Variants in SLC24A3 observed in about 807,000 individuals in gnomAD.
SLC24A3 encodes solute carrier family 24 member 3, also known as sodium/potassium/calcium exchanger 3.
SLC24A3 carries 28 observed loss-of-function variants against 75.8 expected under a neutral mutation model. The ratio of observed to expected loss-of-function variants is 0.37; its 90% CI spans 0.27 to 0.51. The LOEUF (loss-of-function observed/expected upper bound fraction) is 0.51, where lower values mean the gene tolerates loss of function less well. Among genes scored for constraint, SLC24A3 ranks in the 20% least tolerant of loss-of-function variants. SLC24A3 has a pLI of 0.94. For synonymous variants in SLC24A3, 372 were observed against 334.1 expected (o/e 1.11, Z -1.24); for missense variants, 663 against 847.8 (o/e 0.78, Z 2.71).
At chr20:19,229,193 A>C (rs1176242651) in intron 1 of SLC24A3, among the ~76,000 whole-genome samples, 4 of 152,144 alleles carry the variant, frequency 2.6e-5, no homozygotes, top group Non-Finnish European at 5.9e-5. Context: ...TCTGTAATTG[A>C]GATCATATAA....
intron 7 of SLC24A3, among the ~76,000 whole-genome samples, chr20:19,657,777 C>T (rs532781655): frequency 6.5e-5 from 9 of 139,366 alleles, no homozygotes; most frequent in African/African-American, 2.0e-4. Context: ...GGCTACAGGT[C>T]GCACGCACTG....
intron 2 of SLC24A3, among the ~76,000 whole-genome samples, chr20:19,447,306 G>T (rs1420064460): frequency 6.6e-6 from 1 of 152,216 alleles, no homozygotes; most frequent in Non-Finnish European, 1.5e-5. Context: ...AGCAGGCTCA[G>T]TGGTGAGGGA....
chr20:19,634,659 A>G (rs2031977580), intron 6 of SLC24A3, among the ~76,000 whole-genome samples: 1 of 152,236 alleles, frequency 6.6e-6, no homozygotes, highest in African/African-American at 2.4e-5. Flanking sequence ...AGTATACAGT[A>G]TGATTCCACT....
intron 2 of SLC24A3, among the ~76,000 whole-genome samples, chr20:19,451,975 G>T (rs1014005388): frequency 3.3e-5 from 5 of 152,146 alleles, no homozygotes; most frequent in Admixed American, 6.5e-5. Context: ...TCCTTGACTT[G>T]CTTCAGTCTG....
chr20:19,346,709 G>A (rs983620395), intron 2 of SLC24A3, among the ~76,000 whole-genome samples: 2 of 151,994 alleles, frequency 1.3e-5, no homozygotes, highest in African/African-American at 4.8e-5. Flanking sequence ...GGGAGTTGTC[G>A]AGGGATAAAA....
chr20:19,709,482 C>T (rs998616162), intron 15 of SLC24A3, among the ~76,000 whole-genome samples: 2 of 151,988 alleles, frequency 1.3e-5, no homozygotes, highest in East Asian at 1.9e-4. Flanking sequence ...ATTAGCCGAG[C>T]GTGGTGGCAC....
chr20:19,482,955 A>C (rs1250942153), intron 2 of SLC24A3, among the ~76,000 whole-genome samples: 1 of 152,206 alleles, frequency 6.6e-6, no homozygotes, highest in African/African-American at 2.4e-5. Flanking sequence ...TGAATCACAA[A>C]AATGGCCCAT....
intron 9 of SLC24A3, among the ~76,000 whole-genome samples, chr20:19,677,439 C>G (rs2032537789): frequency 6.6e-6 from 1 of 152,094 alleles, no homozygotes; most frequent in South Asian, 2.1e-4. Flanking sequence ...AGTGTGGAGG[C>G]CTTTTCACTA....
chr20:19,538,880 A>G (rs565993539), intron 3 of SLC24A3, among the ~76,000 whole-genome samples: 1 of 152,272 alleles, frequency 6.6e-6, no homozygotes, highest in African/African-American at 2.4e-5. Context: ...AACAGAAAGG[A>G]TAAACTGTGC....
chr20:19,489,062 T>C (rs1988169123), intron 2 of SLC24A3, among the ~76,000 whole-genome samples: 1 of 152,228 alleles, frequency 6.6e-6, no homozygotes, highest in South Asian at 2.1e-4. Flanking sequence ...TTTTTTCCTT[T>C]AATGCACTCA....
intron 1 of SLC24A3, among the ~76,000 whole-genome samples, chr20:19,278,950 CA>C (rs1983573542): frequency 1.3e-5 from 2 of 152,308 alleles, no homozygotes; most frequent in Middle Eastern, 6.8e-3. Context: ...TTGTGATTTC[CA>C]GACACTTCCA....
At chr20:19,233,224 G>A (rs1414192609) in intron 1 of SLC24A3, among the ~76,000 whole-genome samples, 5 of 152,214 alleles carry the variant, frequency 3.3e-5, no homozygotes, top group Non-Finnish European at 7.3e-5. Flanking sequence ...CAGGCTCCCC[G>A]TGGTTGTACA....
At chr20:19,528,323 A>G (rs946704915) in intron 3 of SLC24A3, among the ~76,000 whole-genome samples, 4 of 152,150 alleles carry the variant, frequency 2.6e-5, no homozygotes, top group Non-Finnish European at 4.4e-5. Context: ...CCCACTCACC[A>G]TAAGCTAGGG....
chr20:19,625,944 T>G (rs2031860552), intron 6 of SLC24A3, among the ~76,000 whole-genome samples: 1 of 152,204 alleles, frequency 6.6e-6, no homozygotes, highest in East Asian at 1.9e-4. Flanking sequence ...TTTTGGATTG[T>G]TCCTTTCTCC....
chr20:19,443,702 A>G (rs1313764058), intron 2 of SLC24A3, among the ~76,000 whole-genome samples: 1 of 152,144 alleles, frequency 6.6e-6, no homozygotes, highest in Non-Finnish European at 1.5e-5. Flanking sequence ...GACTTTTATT[A>G]TGATGTTGAA....
chr20:19,236,653 G>A lies in SLC24A3; in HGVS notation c.142+23669G>A, dbSNP rs187917327. On this transcript the variant is annotated intron_variant, in intron 1 of 16. Coordinates refer to ENST00000328041, the MANE Select transcript of SLC24A3 (RefSeq NM_020689.4). ...TGCCTGTATTCCCAGCCACTGGGGA[G>A]GCTGAGGAGGCAGCATCATTTGAGC... 2.0e-3 allele frequency among the ~76,000 whole-genome samples: 312 copies of A among 152,292 alleles called. 9 individuals are homozygous for A. The South Asian group carries it at 0.058, about 28-fold the overall frequency.
intron 2 of SLC24A3, among the ~76,000 whole-genome samples, chr20:19,336,012 C>T (rs1164106480): frequency 6.6e-6 from 1 of 152,196 alleles, no homozygotes; most frequent in Non-Finnish European, 1.5e-5. Context: ...GCAAGTCCAT[C>T]AAGATGAATA....
At chr20:19,475,232 G>A (rs185272867) in intron 2 of SLC24A3, among the ~76,000 whole-genome samples, 62 of 152,088 alleles carry the variant, frequency 4.1e-4, no homozygotes, top group African/African-American at 1.5e-3. Flanking sequence ...ACAGCTACTC[G>A]GGAGGCTGAG....
chr20:19,687,581 A>G (rs1033233482), intron 12 of SLC24A3, among the ~76,000 whole-genome samples: 1 of 152,202 alleles, frequency 6.6e-6, no homozygotes, highest in Non-Finnish European at 1.5e-5. Flanking sequence ...TTCACTAATT[A>G]AACAGTCGAG....
Sources: gnomAD v4.1 joint callset for allele counts (sites outside exome capture counted in the v4.1 genomes callset) on GRCh38, gnomAD v4.1.1 for gene constraint, MANE v1.5 for transcripts, NCBI Gene and HGNC (gene_info 2026-07-23, HGNC 2026-07-21) for gene names.